The following NLGN1 variants were observed in gnomAD, a reference collection of about 807,000 sequenced individuals.
NLGN1 encodes the protein neuroligin-1.
In NLGN1, 12 loss-of-function variants were observed where a neutral mutation model predicts 65.5. The observed-to-expected ratio is 0.18, with a 90% confidence interval of 0.12 to 0.30. The LOEUF is 0.30. NLGN1 is among the 10% of genes least tolerant of loss of function. The pLI is 1.00. For missense variants in NLGN1, 750 were observed against 1,007.1 expected, an observed-to-expected ratio of 0.74 and a Z score of 3.46; for synonymous variants, 350 against 359.5, an observed-to-expected ratio of 0.97 and a Z score of 0.30.
chr3:173,521,933 A>G (rs1277605213), intron 2 of NLGN1, among the ~76,000 whole-genome samples: 1 of 152,178 alleles, frequency 6.6e-6, no homozygotes, highest in African/African-American at 2.4e-5. Flanking sequence ...CATTTTCTTA[A>G]ATTAAATTAC....
intron 4 of NLGN1, among the ~76,000 whole-genome samples, chr3:174,193,006 C>A (rs961691071): frequency 6.6e-6 from 1 of 151,996 alleles, no homozygotes; most frequent in Non-Finnish European, 1.5e-5. Flanking sequence ...TCTGAATGTA[C>A]CACTATTAAA....
chr3:173,810,677 A>G (rs540892658), intron 4 of NLGN1, among the ~76,000 whole-genome samples: 30 of 152,316 alleles, frequency 2.0e-4, no homozygotes, highest in Admixed American at 1.3e-3. Context: ...TAATGTTTTA[A>G]TTAGAAAATT....
intron 3 of NLGN1, among the ~76,000 whole-genome samples, chr3:173,787,099 G>T (rs1782107811): frequency 6.6e-6 from 1 of 151,098 alleles, no homozygotes; most frequent in Non-Finnish European, 1.5e-5. Flanking sequence ...AAAGAAGAAA[G>T]ATATTGGAGT....
At chr3:173,990,018 A>G (rs1199676421) in intron 4 of NLGN1, among the ~76,000 whole-genome samples, 1 of 152,244 alleles carries the variant, frequency 6.6e-6, no homozygotes, top group African/African-American at 2.4e-5. Context: ...ATCATGATCC[A>G]TCCTCAGCAG....
chr3:173,542,711 G>A (rs1397467610), intron 2 of NLGN1, among the ~76,000 whole-genome samples: 1 of 151,866 alleles, frequency 6.6e-6, no homozygotes, highest in Admixed American at 6.6e-5. Context: ...CTCTTTAGAG[G>A]CTTTCATTCT....
rs1232609962 is a variant in NLGN1 at position 173,965,768 on chromosome 3, C to A, written c.646+157936C>A. Among the ~76,000 whole-genome samples the A allele has an allele frequency of 2.6e-5, 4 of 152,030 alleles. No homozygotes were observed. The East Asian group carries it at 7.7e-4, about 29-fold the overall frequency. On this transcript the variant is annotated intron_variant, in intron 4 of 6. Transcript: ENST00000457714. ...CTGTTGAACACAAGTACTTATCTTT[C>A]TCTGAAATAAAGGTGCATTTGCCAC...
chr3:174,067,845 G>A (rs1332712321), intron 4 of NLGN1, among the ~76,000 whole-genome samples: 1 of 152,166 alleles, frequency 6.6e-6, no homozygotes, highest in African/African-American at 2.4e-5. Context: ...ATTAAAGAAA[G>A]TAAAATGTGG....
intron 2 of NLGN1, among the ~76,000 whole-genome samples, chr3:173,461,412 A>G (rs1723366275): frequency 6.6e-6 from 1 of 151,888 alleles, no homozygotes; most frequent in Non-Finnish European, 1.5e-5. Flanking sequence ...TATTATATGG[A>G]CCACATCATT....
At chr3:173,662,620 G>T (rs1398958787) in intron 3 of NLGN1, among the ~76,000 whole-genome samples, 5 of 151,906 alleles carry the variant, frequency 3.3e-5, no homozygotes, top group African/African-American at 1.2e-4. Context: ...TCTTTGGAAG[G>T]ATTCCAGATG....
intron 1 of NLGN1, among the ~76,000 whole-genome samples, chr3:173,434,543 C>T (rs953505308): frequency 6.6e-6 from 1 of 152,132 alleles, no homozygotes; most frequent in Non-Finnish European, 1.5e-5. Context: ...TATCATTATT[C>T]AGGGAATACA....
At chr3:173,548,863 A>T (rs1740360876) in intron 2 of NLGN1, among the ~76,000 whole-genome samples, 1 of 152,110 alleles carries the variant, frequency 6.6e-6, no homozygotes, top group African/African-American at 2.4e-5. Flanking sequence ...ATGTCCTCTG[A>T]CATATTCTAG....
chr3:173,822,730 C>T (rs1351608114), intron 4 of NLGN1, among the ~76,000 whole-genome samples: 1 of 151,990 alleles, frequency 6.6e-6, no homozygotes, highest in Non-Finnish European at 1.5e-5. Context: ...TAAAAAAGAG[C>T]TTCTCTGTGG....
At chr3:174,260,045 T>C (rs1746569851) in intron 4 of NLGN1, among the ~76,000 whole-genome samples, 1 of 152,128 alleles carries the variant, frequency 6.6e-6, no homozygotes, top group Non-Finnish European at 1.5e-5. Flanking sequence ...TAGTATTCCA[T>C]GGTGTATATG....
chr3:173,467,562 T>G (rs537909792), intron 2 of NLGN1, among the ~76,000 whole-genome samples: 1 of 152,258 alleles, frequency 6.6e-6, no homozygotes. Flanking sequence ...CTCTCTGTAT[T>G]CCTTGTCATC....
intron 3 of NLGN1, among the ~76,000 whole-genome samples, chr3:173,737,666 CTT>C (rs1773991281): frequency 6.6e-6 from 1 of 152,034 alleles, no homozygotes; most frequent in African/African-American, 2.4e-5. Context: ...AGCTGATGGA[CTT>C]TGAGTTTTTT....
intron 4 of NLGN1, among the ~76,000 whole-genome samples, chr3:173,984,745 A>G (rs1719523434): frequency 6.6e-6 from 1 of 152,188 alleles, no homozygotes; most frequent in African/African-American, 2.4e-5. Flanking sequence ...TCTGAGGGTT[A>G]AAAATTGCCT....
chr3:173,744,750 C>G (rs1578222412), intron 3 of NLGN1, among the ~76,000 whole-genome samples: 1 of 152,118 alleles, frequency 6.6e-6, no homozygotes, highest in Non-Finnish European at 1.5e-5. Context: ...CTTTCCTTCT[C>G]CCTTTCCCTA....
chr3:173,967,479 T>G (rs1399943966), intron 4 of NLGN1, among the ~76,000 whole-genome samples: 2 of 152,214 alleles, frequency 1.3e-5, no homozygotes, highest in Admixed American at 1.3e-4. Flanking sequence ...AAAAGAATTC[T>G]TGTCAAAATC....
chr3:174,060,542 T>C (rs1737167772), intron 4 of NLGN1, among the ~76,000 whole-genome samples: 1 of 152,102 alleles, frequency 6.6e-6, no homozygotes, highest in South Asian at 2.1e-4. Context: ...TTGAAGGAGA[T>C]TGCTGATCAG....
Sources: allele counts gnomAD v4.1 joint callset (sites outside exome capture counted in the v4.1 genomes callset), GRCh38; gene constraint gnomAD v4.1.1; transcripts MANE v1.5; gene names NCBI Gene and HGNC (gene_info 2026-07-23, HGNC 2026-07-21).